RSBN1L: variants seen among roughly 807,000 people sequenced by gnomAD.
RSBN1L encodes lysine-specific demethylase RSBN1L.
Under a neutral mutation model 67.7 loss-of-function variants are expected in RSBN1L, and 30 were observed. The ratio of observed to expected loss-of-function variants is 0.44; its 90% CI spans 0.33 to 0.60. The LOEUF is 0.60. Among genes scored for constraint, RSBN1L ranks in the 20% least tolerant of loss-of-function variants. The pLI is 0.02. For missense variants in RSBN1L, 992 were observed against 1,031.7 expected, an observed-to-expected ratio of 0.96 and a Z score of 0.53; for synonymous variants, 433 against 387.0, an observed-to-expected ratio of 1.12 and a Z score of -1.39.
chr7:77,706,976 C>T (rs764239472), intron 1 of RSBN1L, among the ~76,000 whole-genome samples: 1 of 151,372 alleles, frequency 6.6e-6, no homozygotes, highest in Non-Finnish European at 1.5e-5. Context: ...CCTCTCTTGG[C>T]TAATGTAAAT....
At chr7:77,775,916 C>T (rs750624332) in intron 6 of RSBN1L, among the ~76,000 whole-genome samples, 19 of 152,154 alleles carry the variant, frequency 1.2e-4, no homozygotes, top group Non-Finnish European at 2.8e-4. Context: ...ATTAGCTGGG[C>T]GTGGTGGCAC....
chr7:77,759,533 T>G (rs1465799875), intron 3 of RSBN1L: 1 of 152,156 alleles, frequency 6.6e-6, no homozygotes, highest in Non-Finnish European at 1.5e-5. Flanking sequence ...CAGAATGTCC[T>G]GAGCAGGCCT....
At chr7:77,766,298 C>T (rs1791765472) in intron 4 of RSBN1L, among the ~76,000 whole-genome samples, 3 of 152,204 alleles carry the variant, frequency 2.0e-5, no homozygotes, top group East Asian at 1.9e-4. Context: ...GATCCTCCCA[C>T]GTCAGCCTCC....
intron 5 of RSBN1L, among the ~76,000 whole-genome samples, chr7:77,771,975 A>T (rs1791856291): frequency 6.6e-6 from 1 of 152,142 alleles, no homozygotes; most frequent in Admixed American, 6.5e-5. Flanking sequence ...CAGGGTATAC[A>T]ACCCATGGTA....
chr7:77,781,263 A>G lies in RSBN1L; in HGVS notation c.*2095A>G, dbSNP rs1584309518. On this transcript the variant is annotated 3_prime_UTR_variant, in exon 8 of 8. Coordinates refer to ENST00000334955, the MANE Select transcript of RSBN1L (RefSeq NM_198467.3). ...TCATGGGATAGGGAAGGTATAAATC[A>G]AGATAGTAAGGGTTTTGTTTTATAT... 1 of 152,316 alleles carries G rather than the reference A, an allele frequency of 6.6e-6. No homozygotes were observed. Among genetic ancestry groups the G allele is most frequent in the Middle Eastern group, 3.4e-3 (1 of 294 alleles). The allele number at this position is 152,316 out of a possible 1,614,324, so 9.4% of individuals were successfully genotyped here.
In RSBN1L at chr7:77,750,081, T is replaced by G. The variant is rs950193540; in HGVS notation, c.1344+17T>G. On this transcript the variant is annotated intron_variant, in intron 3 of 7. Coordinates refer to ENST00000334955, the MANE Select transcript of RSBN1L (RefSeq NM_198467.3). Reference sequence around the variant, plus strand: ...CATGCTCAGGTAAGAGGTTTTTAGTTTTATAAAATAACTTTTAATTATATA... The same window carrying G: ...CATGCTCAGGTAAGAGGTTTTTAGTGTTATAAAATAACTTTTAATTATATA... 6.9e-7 allele frequency: 1 copy of G among 1,447,436 alleles called. No individual in the cohort carries two copies. The highest frequency in any genetic ancestry group is 1.4e-5 in the African/African-American group (1 of 69,356). 89.7% of individuals were successfully genotyped at this position (1,447,436 alleles called of 1,614,324 possible).
chr7:77,776,614 A>C (rs1791917857), intron 6 of RSBN1L, among the ~76,000 whole-genome samples: 1 of 152,232 alleles, frequency 6.6e-6, no homozygotes, highest in Non-Finnish European at 1.5e-5. Flanking sequence ...AGGCAAGTAC[A>C]CATTTAGAAT....
intron 2 of RSBN1L, among the ~76,000 whole-genome samples, chr7:77,738,277 T>C (rs1791363159): frequency 6.6e-6 from 1 of 152,120 alleles, no homozygotes; most frequent in Admixed American, 6.5e-5. Context: ...GAAAATAAAA[T>C]TTAAAACAGC....
chr7:77,774,410 A>G (rs1791885030), intron 6 of RSBN1L, among the ~76,000 whole-genome samples: 1 of 152,096 alleles, frequency 6.6e-6, no homozygotes, highest in Non-Finnish European at 1.5e-5. Flanking sequence ...CAACATGGTG[A>G]AACCTCATCT....
chr7:77,742,117 C>T (rs1791418226), intron 2 of RSBN1L, among the ~76,000 whole-genome samples: 1 of 147,828 alleles, frequency 6.8e-6, no homozygotes, highest in Non-Finnish European at 1.5e-5. Flanking sequence ...ATTGCTTGAG[C>T]CTGGGAGTAC....
At position 77,779,075 on chromosome 7, in the gene RSBN1L, A is replaced by T. The variant is rs142388548; in HGVS notation, c.2448A>T (p.Glu816Asp). 6.2e-7 allele frequency: 1 copy of T among 1,613,744 alleles called. No homozygotes were observed. The highest frequency in any genetic ancestry group is 2.2e-5 in the East Asian group (1 of 44,846). The change falls in exon 8 of 8, where the codon GAA becomes GAT. Residue 816 changes from glutamate (E) to aspartate (D), a missense_variant. By Grantham distance (45) the Glu-to-Asp change is conservative (BLOSUM62 2). Around this residue, in one of 7 missense-constraint regions of RSBN1L, gnomAD observed 199 missense variants for 167.7 expected, o/e 1.19. Coordinates refer to ENST00000334955, the MANE Select transcript of RSBN1L (RefSeq NM_198467.3). ...FENSNKDLKE[E>D]LCPGNLSLVD... ...ATAGCAACAAAGATTTAAAGGAAGA[A>T]TTGTGCCCTGGAAATCTAAGTCTAG...
chr7:77,704,282 A>G (rs1790859399), intron 1 of RSBN1L, among the ~76,000 whole-genome samples: 2 of 152,336 alleles, frequency 1.3e-5, no homozygotes, highest in South Asian at 4.1e-4. Flanking sequence ...AATCTCATTA[A>G]TTTTTCACCA....
chr7:77,771,896 A>C (rs1460651957), intron 5 of RSBN1L, among the ~76,000 whole-genome samples: 1 of 152,110 alleles, frequency 6.6e-6, no homozygotes, highest in Non-Finnish European at 1.5e-5. Context: ...AGAACAATAC[A>C]GATAAATACA....
In RSBN1L at chr7:77,696,721, G is replaced by A. The variant is rs535995466; in HGVS notation, c.252G>A (p.Ala84=). 5.0e-6 allele frequency: 8 copies of A among 1,613,634 alleles called. No individual in the cohort carries two copies. The highest frequency in any genetic ancestry group is 4.5e-5 in the East Asian group (2 of 44,872). The change falls in exon 1 of 8, where the codon GCG becomes GCA. Residue 84 remains alanine (A), a synonymous_variant. Transcript: ENST00000334955. ...APSPQSYGSP[A]SWSFAPLSAA... ...CGCCTCAGAGCTATGGCAGCCCCGC[G>A]TCTTGGAGCTTTGCCCCTCTGTCTG... is the stretch of plus-strand genomic sequence containing the variant.
rs1791528141 is a variant in RSBN1L, at chr7:77,749,656, C to G, written c.936C>G (p.Asn312Lys). 1 of 1,614,114 alleles carries G rather than the reference C, an allele frequency of 6.2e-7. No homozygotes were observed. The highest frequency in any genetic ancestry group is 2.2e-5 in the East Asian group (1 of 44,876). Residue 312 changes from asparagine to lysine, a missense_variant, in exon 3 of 8, where the codon AAC becomes AAG. Physicochemically the swap from Asn to Lys is moderately conservative, Grantham distance 94 (BLOSUM62 0). Transcript: ENST00000334955. The stretch of plus-strand genomic sequence containing the variant: ...TTGGGAAGAATTTGGATACCAAGAA[C>G]TATGATTCCAAAATTCCAGAGAACA... ...DYVGKNLDTK[N>K]YDSKIPENSE... is the part of the protein sequence containing the mutation.
At chr7:77,714,480 T>C (rs1005854507) in intron 1 of RSBN1L, among the ~76,000 whole-genome samples, 1 of 152,358 alleles carries the variant, frequency 6.6e-6, no homozygotes, top group Non-Finnish European at 1.5e-5. Flanking sequence ...TCTAGCTTTT[T>C]TCACTTGTTA....
At chr7:77,715,561 A>G (rs531911294) in intron 1 of RSBN1L, among the ~76,000 whole-genome samples, 5 of 152,276 alleles carry the variant, frequency 3.3e-5, no homozygotes, top group African/African-American at 9.6e-5. Flanking sequence ...CGCCTGCCGT[A>G]GCCTCTCAAA....
At position 77,768,571 on chromosome 7, in the gene RSBN1L, GTGTT is replaced by G. The variant is rs1336671806; in HGVS notation, c.1483-86_1483-83del. 2.1e-5 allele frequency: 23 copies of G among 1,090,724 alleles called. No homozygotes were observed. In the East Asian group the frequency reaches 5.2e-4, roughly 25 times the overall value. 67.6% of individuals were successfully genotyped at this position (1,090,724 alleles called of 1,614,324 possible). The stretch of plus-strand genomic sequence containing the variant: ...TAAGTATAAAGCTGTGTATGAAAGT[GTGTT>G]TGTCAGGGGAACAATATTATTATTA... On this transcript the variant is annotated intron_variant, in intron 4 of 7. Coordinates refer to ENST00000334955, the MANE Select transcript of RSBN1L (RefSeq NM_198467.3).
At chr7:77,755,306 C>G (rs1279606038) in intron 3 of RSBN1L, among the ~76,000 whole-genome samples, 8 of 152,186 alleles carry the variant, frequency 5.3e-5, no homozygotes, top group Non-Finnish European at 1.0e-4. Context: ...CCTCAACTTA[C>G]GCTAGGGCTG....
Sources: gnomAD v4.1 joint callset for allele counts (sites outside exome capture counted in the v4.1 genomes callset) on GRCh38, gnomAD v4.1.1 for gene constraint, gnomAD v4.1.1 regional missense constraint, MANE v1.5 for transcripts, NCBI Gene and HGNC (gene_info 2026-07-23, HGNC 2026-07-21) for gene names.